The following TMEM132D variants were observed in gnomAD, a reference collection of about 807,000 sequenced individuals.
The protein encoded by TMEM132D is mature OL transmembrane protein.
In TMEM132D, 21 loss-of-function variants were observed where a neutral mutation model predicts 62.3. That is an observed-to-expected ratio of 0.34 (90% CI 0.24 to 0.49). The LOEUF (loss-of-function observed/expected upper bound fraction) is 0.49. Among genes scored for constraint, TMEM132D ranks in the 20% least tolerant of loss-of-function variants. TMEM132D has a pLI of 0.99. For missense variants in TMEM132D, 1,346 were observed against 1,402.8 expected (o/e 0.96, Z 0.65); for synonymous variants, 621 against 575.6 (o/e 1.08, Z -1.13).
In TMEM132D at chr12:129,384,973, G is replaced by T. The variant is rs115175202; in HGVS notation, c.1116-47156C>A. On this transcript the variant is annotated intron_variant, in intron 3 of 8. Coordinates refer to ENST00000422113, the MANE Select transcript of TMEM132D (RefSeq NM_133448.3). ...GCAACAGAAATGTGTGTTTACTCACGCAGTCTGAAACAGTCCCATTCACCT... is the reference window on the plus strand; with the variant it reads ...GCAACAGAAATGTGTGTTTACTCACTCAGTCTGAAACAGTCCCATTCACCT... 2.8e-3 allele frequency among the ~76,000 whole-genome samples: 421 copies of T among 151,850 alleles called. 4 individuals carry two copies. Among genetic ancestry groups the T allele is most frequent in the African/African-American group, 9.5e-3 (393 of 41,406 alleles).
rs897035635 is a variant in TMEM132D, at chr12:129,903,166, C to G, written c.79+95G>C. On this transcript the variant is annotated intron_variant, in intron 1 of 8. Transcript: ENST00000422113. This position sits in a 1 kb window ranked among gnomAD's most constrained non-coding sequence, Gnocchi z 6.2. ...GCGCGCACACACACTTGCACACGAG[C>G]CCTCTCTCCCGGCCGCCCCCATCCT... The G allele has an allele frequency of 4.6e-6, 6 of 1,292,700 alleles. No homozygotes were observed. The African/African-American group carries it at 8.9e-5, about 19-fold the overall frequency. The allele number at this position is 1,292,700 out of a possible 1,614,324, so 80.1% of individuals were successfully genotyped here.
chr12:129,576,334 T>G (rs757693826), intron 2 of TMEM132D, among the ~76,000 whole-genome samples: 15 of 151,936 alleles, frequency 9.9e-5, no homozygotes, highest in South Asian at 2.1e-4. Flanking sequence ...GTAATTAAAA[T>G]AGATTCACAG....
chr12:129,638,761 G>A (rs1263455728), intron 2 of TMEM132D, among the ~76,000 whole-genome samples: 1 of 151,988 alleles, frequency 6.6e-6, no homozygotes, highest in Non-Finnish European at 1.5e-5. Context: ...CCACACAGGT[G>A]CGATGTTTGT....
At chr12:129,524,069 C>T (rs1875935596) in intron 3 of TMEM132D, among the ~76,000 whole-genome samples, 1 of 149,364 alleles carries the variant, frequency 6.7e-6, no homozygotes, top group Non-Finnish European at 1.5e-5. Context: ...CATCACACAC[C>T]GGGGCCTGTC....
intron 1 of TMEM132D, among the ~76,000 whole-genome samples, chr12:129,738,197 A>G (rs1032575605): frequency 6.6e-6 from 1 of 152,206 alleles, no homozygotes; most frequent in Non-Finnish European, 1.5e-5. Context: ...TCTTCCTGCT[A>G]CACTTAAGGG....
intron 5 of TMEM132D, chr12:129,084,982 G>T: frequency 1.9e-6 from 1 of 524,718 alleles, no homozygotes; most frequent in Non-Finnish European, 3.3e-6. Context: ...GTGTGTTGCC[G>T]ACAGCTCCTG....
intron 4 of TMEM132D, among the ~76,000 whole-genome samples, chr12:129,326,375 C>A (rs1470939414): frequency 6.6e-6 from 1 of 152,118 alleles, no homozygotes; most frequent in Non-Finnish European, 1.5e-5. Context: ...CTGGGATAGG[C>A]AAATCACAGC....
At chr12:129,300,041 TTTC>T (rs1156482193) in intron 4 of TMEM132D, among the ~76,000 whole-genome samples, 3 of 152,228 alleles carry the variant, frequency 2.0e-5, no homozygotes, top group Non-Finnish European at 4.4e-5. Context: ...CCTCACACCT[TTTC>T]TTTTGTGAGT....
intron 1 of TMEM132D, among the ~76,000 whole-genome samples, chr12:129,879,804 TTAA>T (rs1874538659): frequency 6.6e-6 from 1 of 152,178 alleles, no homozygotes; most frequent in Non-Finnish European, 1.5e-5. Context: ...TAAGAAATTA[TTAA>T]TAATGGAAAT....
rs997786840 is a variant in TMEM132D at position 129,091,814 on chromosome 12, A to C, written c.1444-7112T>G. On this transcript the variant is annotated intron_variant, in intron 5 of 8. Transcript: ENST00000422113. ...CAACTCCATCCTGGTCTGGAGAGAC[A>C]ATCTGAGATGTGTTCCTCCAACAGC... Among the ~76,000 whole-genome samples the C allele has an allele frequency of 2.6e-5, 4 of 152,212 alleles. No individual in the cohort carries two copies. The East Asian group carries it at 7.7e-4, about 29-fold the overall frequency.
chr12:129,662,475 C>T (rs1003298424), intron 2 of TMEM132D, among the ~76,000 whole-genome samples: 5 of 152,110 alleles, frequency 3.3e-5, no homozygotes, highest in African/African-American at 1.2e-4. Flanking sequence ...AGACTCAAAT[C>T]ATCTGTCCTA....
chr12:129,452,320 A>G (rs1873318635), intron 3 of TMEM132D, among the ~76,000 whole-genome samples: 1 of 152,246 alleles, frequency 6.6e-6, no homozygotes, highest in African/African-American at 2.4e-5. Context: ...GGGTTTGGCA[A>G]ACATTTCAAA....
chr12:129,747,411 C>T (rs1380353141), intron 1 of TMEM132D, among the ~76,000 whole-genome samples: 2 of 151,660 alleles, frequency 1.3e-5, no homozygotes, highest in Non-Finnish European at 2.9e-5. Context: ...CAGACACACA[C>T]ACATTCTCAC....
intron 4 of TMEM132D, among the ~76,000 whole-genome samples, chr12:129,275,741 G>T (rs568452101): frequency 6.6e-6 from 1 of 152,312 alleles, no homozygotes; most frequent in African/African-American, 2.4e-5. Flanking sequence ...TGGAAGCGGG[G>T]ATCTCACCTG....
At chr12:129,310,449 C>T (rs1271817930) in intron 4 of TMEM132D, among the ~76,000 whole-genome samples, 3 of 152,112 alleles carry the variant, frequency 2.0e-5, no homozygotes, top group Admixed American at 1.3e-4. Context: ...TGGGACAGGC[C>T]CAGCCCAAGG....
chr12:129,091,677 C>G (rs993470534), intron 5 of TMEM132D, among the ~76,000 whole-genome samples: 4 of 152,200 alleles, frequency 2.6e-5, no homozygotes, highest in Admixed American at 2.6e-4. Context: ...CCTATCTCAC[C>G]TGGACTCTGG....
intron 5 of TMEM132D, among the ~76,000 whole-genome samples, chr12:129,140,396 A>G (rs1039620068): frequency 6.6e-6 from 1 of 152,090 alleles, no homozygotes; most frequent in African/African-American, 2.4e-5. Flanking sequence ...TTCCCCATGC[A>G]CTTCTGAGCT....
Position 129,235,702 on chromosome 12 carries a change from T to C in TMEM132D, c.1300-26039A>G, listed in dbSNP as rs544069411. Reference sequence around the variant, plus strand: ...CTGTGCAGCCATATGTCTTCATTTCTTTTTGAAGGTGGAATTGCTGGGTCA... The same window carrying C: ...CTGTGCAGCCATATGTCTTCATTTCCTTTTGAAGGTGGAATTGCTGGGTCA... On this transcript the variant is annotated intron_variant, in intron 4 of 8. Coordinates refer to ENST00000422113, the MANE Select transcript of TMEM132D (RefSeq NM_133448.3). 9.8e-5 allele frequency among the ~76,000 whole-genome samples: 15 copies of C among 152,332 alleles called. No individual in the cohort carries two copies. In the South Asian group the frequency reaches 3.1e-3, roughly 32 times the overall value.
At chr12:129,741,538 T>C (rs761762430) in intron 1 of TMEM132D, among the ~76,000 whole-genome samples, 32 of 152,134 alleles carry the variant, frequency 2.1e-4, no homozygotes, top group Non-Finnish European at 4.0e-4. Flanking sequence ...TACTGAAGAA[T>C]ATGAATAAGT....
Sources: allele counts gnomAD v4.1 joint callset (sites outside exome capture counted in the v4.1 genomes callset), GRCh38; gene constraint gnomAD v4.1.1; non-coding constraint Gnocchi (gnomAD v3.1); transcripts MANE v1.5; gene names NCBI Gene and HGNC (gene_info 2026-07-23, HGNC 2026-07-21).